Variants in AGMO observed in about 807,000 individuals in gnomAD.
AGMO encodes glyceryl-ether monooxygenase.
A neutral mutation model predicts 60.2 loss-of-function variants in AGMO; 75 were observed. That is an observed-to-expected ratio of 1.25 (90% CI 1.03 to 1.51). AGMO has a LOEUF of 1.51. Among genes scored for constraint, AGMO ranks in the 40% most tolerant of loss-of-function variants. The pLI is 0.00. For missense variants in AGMO, 763 were observed against 525.5 expected (o/e 1.45, Z -4.42); for synonymous variants, 261 against 177.1 (o/e 1.47, Z -3.76).
At chr7:15,313,625 G>A (rs1279638378) in intron 12 of AGMO, among the ~76,000 whole-genome samples, 2 of 152,030 alleles carry the variant, frequency 1.3e-5, no homozygotes, top group Admixed American at 1.3e-4. Flanking sequence ...GATAAGAGGA[G>A]ATAGAGTAAA....
chr7:15,335,870 A>T (rs2085948350), intron 12 of AGMO, among the ~76,000 whole-genome samples: 1 of 152,148 alleles, frequency 6.6e-6, no homozygotes, highest in Admixed American at 6.6e-5. Flanking sequence ...TCTTCGTGTT[A>T]TTTTAAATAG....
the AGMO span, among the ~76,000 whole-genome samples, chr7:15,121,664 T>A: frequency 1.3e-5 from 2 of 152,158 alleles, no homozygotes; most frequent in African/African-American, 4.8e-5. Flanking sequence ...GGCATCATGC[T>A]ACCTGACTTC....
intron 12 of AGMO, among the ~76,000 whole-genome samples, chr7:15,312,169 A>C (rs1012898834): frequency 6.6e-6 from 1 of 152,116 alleles, no homozygotes; most frequent in Admixed American, 6.5e-5. Context: ...GAGTTCCAAA[A>C]GGAAAAAGAA....
At chr7:15,347,506 T>A (rs1782075392) in intron 12 of AGMO, among the ~76,000 whole-genome samples, 1 of 152,150 alleles carries the variant, frequency 6.6e-6, no homozygotes, top group South Asian at 2.1e-4. Flanking sequence ...ATCTGTCTCC[T>A]CTATATGTCT....
chr7:15,387,421 A>T lies in AGMO; in HGVS notation c.942T>A (p.Ser314Arg). The T allele has an allele frequency of 6.2e-7, 1 of 1,612,854 alleles. No individual in the cohort carries two copies. The highest frequency in any genetic ancestry group is 8.5e-7 in the Non-Finnish European group (1 of 1,179,724). ...CTCTATTTACCTCTGGAATTTCTTCACTGAGACCAAGTCTTGGTTTACCTG... is the reference window on the plus strand; with the variant it reads ...CTCTATTTACCTCTGGAATTTCTTCTCTGAGACCAAGTCTTGGTTTACCTG... Reference protein sequence around the residue: ...WGPGKPRLGLSEEIPEVTGKE... With the variant: ...WGPGKPRLGLREEIPEVTGKE... The change falls in exon 9 of 13, where the codon AGT (serine) becomes AGA (arginine). Residue 314 changes from serine to arginine, a missense_variant. By Grantham distance (110) the Ser-to-Arg change is moderately radical. Coordinates refer to ENST00000342526, the MANE Select transcript of AGMO (RefSeq NM_001004320.2).
chr7:15,340,067 T>G (rs1285318916), intron 12 of AGMO, among the ~76,000 whole-genome samples: 1 of 152,212 alleles, frequency 6.6e-6, no homozygotes, highest in Non-Finnish European at 1.5e-5. Context: ...CTTAGAAGTT[T>G]CCGATTTTTT....
chr7:15,252,258 A>G (rs764649492), intron 12 of AGMO, among the ~76,000 whole-genome samples: 1 of 152,166 alleles, frequency 6.6e-6, no homozygotes, highest in East Asian at 1.9e-4. Flanking sequence ...TGGTGCTTAC[A>G]ATCTTAAACA....
At chr7:15,514,188 A>G (rs1267429614) in intron 3 of AGMO, among the ~76,000 whole-genome samples, 1 of 152,152 alleles carries the variant, frequency 6.6e-6, no homozygotes, top group Non-Finnish European at 1.5e-5. Context: ...TGAACTCATC[A>G]ACTCCTGGCT....
chr7:15,137,631 G>A, the AGMO span, among the ~76,000 whole-genome samples: 3 of 152,254 alleles, frequency 2.0e-5, no homozygotes, highest in Middle Eastern at 0.01. Context: ...GGAAGATAAT[G>A]GATGGGTTGA....
intron 3 of AGMO, among the ~76,000 whole-genome samples, chr7:15,472,938 T>C (rs903795296): frequency 2.0e-5 from 3 of 151,950 alleles, no homozygotes; most frequent in African/African-American, 7.2e-5. Flanking sequence ...TTGTCCTCTT[T>C]TTCAGCAGCA....
intron 12 of AGMO, among the ~76,000 whole-genome samples, chr7:15,269,810 A>T (rs1401739230): frequency 6.6e-6 from 1 of 151,934 alleles, no homozygotes; most frequent in Non-Finnish European, 1.5e-5. Context: ...CCATCTTTAT[A>T]TTCATGTGTA....
At chr7:15,184,648 GAA>G in the AGMO span, among the ~76,000 whole-genome samples, 1 of 29,104 alleles carries the variant, frequency 3.4e-5, no homozygotes. Context: ...GGGAAAGGAG[GAA>G]GGGAGGGAAG....
At chr7:15,193,500 C>G in the AGMO span, among the ~76,000 whole-genome samples, 3 of 152,104 alleles carry the variant, frequency 2.0e-5, no homozygotes, top group Non-Finnish European at 1.5e-5. Context: ...CATCAATACT[C>G]TCAAGCTTCA....
chr7:15,407,692 A>G (rs1784743137), intron 5 of AGMO, among the ~76,000 whole-genome samples: 1 of 151,974 alleles, frequency 6.6e-6, no homozygotes, highest in South Asian at 2.1e-4. Context: ...TTTAAATACA[A>G]TGCTTATTAA....
chr7:15,460,291 G>A (rs1782112404), intron 3 of AGMO, among the ~76,000 whole-genome samples: 1 of 152,028 alleles, frequency 6.6e-6, no homozygotes, highest in Non-Finnish European at 1.5e-5. Flanking sequence ...GTTTCGCCAT[G>A]TTGGCCAGGC....
At chr7:15,552,942 C>G (rs1185774789) in intron 2 of AGMO, among the ~76,000 whole-genome samples, 1 of 151,778 alleles carries the variant, frequency 6.6e-6, no homozygotes, top group Non-Finnish European at 1.5e-5. Flanking sequence ...CAATGATAGA[C>G]TGGATTAAGA....
chr7:15,556,346 T>C (rs959957042), intron 2 of AGMO, among the ~76,000 whole-genome samples: 4 of 151,180 alleles, frequency 2.6e-5, no homozygotes, highest in African/African-American at 9.7e-5. Flanking sequence ...AGCTCCATAG[T>C]AAAAATTGGC....
At chr7:15,239,166 C>T (rs1000957994) in intron 12 of AGMO, among the ~76,000 whole-genome samples, 1 of 152,046 alleles carries the variant, frequency 6.6e-6, no homozygotes, top group Admixed American at 6.6e-5. Flanking sequence ...TGAGAAAAGG[C>T]TGAGATTGTT....
intron 12 of AGMO, among the ~76,000 whole-genome samples, chr7:15,305,103 T>C (rs1298693626): frequency 2.0e-5 from 3 of 151,918 alleles, no homozygotes; most frequent in African/African-American, 4.8e-5. Context: ...TCCAGTAACT[T>C]GTGGTAGCAC....
Sources: gnomAD v4.1 joint callset for allele counts (sites outside exome capture counted in the v4.1 genomes callset) on GRCh38, gnomAD v4.1.1 for gene constraint, MANE v1.5 for transcripts, NCBI Gene and HGNC (gene_info 2026-07-23, HGNC 2026-07-21) for gene names.